CDH18: variants seen among roughly 807,000 people sequenced by gnomAD.
CDH18 encodes the protein cadherin-18.
Under a neutral mutation model 67.9 loss-of-function variants are expected in CDH18, and 31 were observed. The ratio of observed to expected loss-of-function variants is 0.46; its 90% CI spans 0.34 to 0.62. The LOEUF (loss-of-function observed/expected upper bound fraction) is 0.62, where lower values mean the gene tolerates loss of function less well. Ranked by LOEUF, CDH18 falls within the 20% of genes least tolerant of loss-of-function variation. CDH18 has a pLI of 0.01. For synonymous variants in CDH18, 362 were observed against 347.2 expected, an observed-to-expected ratio of 1.04 and a Z score of -0.48; for missense variants, 890 against 975.5, an observed-to-expected ratio of 0.91 and a Z score of 1.17.
At chr5:19,670,663 A>G (rs1369506858) in intron 5 of CDH18, among the ~76,000 whole-genome samples, 1 of 152,132 alleles carries the variant, frequency 6.6e-6, no homozygotes, top group Non-Finnish European at 1.5e-5. Flanking sequence ...AGATTATTAT[A>G]TCCTTTGAAG....
chr5:19,868,918 G>T (rs1224467480), intron 2 of CDH18, among the ~76,000 whole-genome samples: 2 of 152,226 alleles, frequency 1.3e-5, no homozygotes, highest in East Asian at 3.9e-4. Context: ...AGACTTATTT[G>T]ATTTTTGAGC....
intron 1 of CDH18, among the ~76,000 whole-genome samples, chr5:20,452,233 T>G (rs1188541617): frequency 6.6e-6 from 1 of 152,196 alleles, no homozygotes; most frequent in Non-Finnish European, 1.5e-5. Flanking sequence ...TGGGATTGAT[T>G]TCATTAACAT....
chr5:19,549,393 C>T (rs1370205408), intron 8 of CDH18, among the ~76,000 whole-genome samples: 1 of 152,144 alleles, frequency 6.6e-6, no homozygotes, highest in Non-Finnish European at 1.5e-5. Context: ...TGGCACCATG[C>T]TTCCTGCACA....
At chr5:19,775,079 G>T (rs192016033) in intron 3 of CDH18, among the ~76,000 whole-genome samples, 1 of 152,226 alleles carries the variant, frequency 6.6e-6, no homozygotes, top group African/African-American at 2.4e-5. Flanking sequence ...AGCTGAAGAA[G>T]CTGGAAGTCC....
intron 3 of CDH18, among the ~76,000 whole-genome samples, chr5:19,813,875 T>A (rs1779004382): frequency 6.6e-6 from 1 of 152,168 alleles, no homozygotes; most frequent in Middle Eastern, 3.4e-3. Context: ...AAATCTATGA[T>A]TTTTTTGGAA....
chr5:20,570,392 C>T (rs1758745763), intron 1 of CDH18, among the ~76,000 whole-genome samples: 1 of 151,954 alleles, frequency 6.6e-6, no homozygotes, highest in African/African-American at 2.4e-5. Flanking sequence ...TGTTTGAAAC[C>T]CATTTGCTTT....
chr5:20,558,020 A>T lies in CDH18; in HGVS notation c.-580+17442T>A, dbSNP rs147280955. Among the ~76,000 whole-genome samples, 148 of 140,032 alleles carry T rather than the reference A, an allele frequency of 1.1e-3. 2 individuals are homozygous for T. Among genetic ancestry groups the T allele is most frequent in the South Asian group, 5.7e-3 (26 of 4,600 alleles). 91.9% of individuals were successfully genotyped at this position (140,032 alleles called of 152,430 possible). ...TTAAATGTTATAGTTATATAACATT[A>T]AATGTTATAGTTATATAACATTAAT... On this transcript the variant is annotated intron_variant, in intron 1 of 14. Coordinates refer to the CDH18 transcript ENST00000507958.
intron 1 of CDH18, among the ~76,000 whole-genome samples, chr5:20,423,569 A>G (rs769736325): frequency 3.3e-5 from 5 of 151,264 alleles, no homozygotes; most frequent in Middle Eastern, 3.4e-3. Flanking sequence ...CAAAGGAAAT[A>G]TAAGTGCTAC....
intron 1 of CDH18, among the ~76,000 whole-genome samples, chr5:20,380,439 A>G (rs899204058): frequency 3.0e-4 from 46 of 152,204 alleles, no homozygotes; most frequent in African/African-American, 1.1e-3. Flanking sequence ...CATGTATCTT[A>G]ATAGCTCATT....
chr5:19,781,542 G>A (rs868808606), intron 3 of CDH18, among the ~76,000 whole-genome samples: 4 of 151,914 alleles, frequency 2.6e-5, no homozygotes, highest in African/African-American at 9.7e-5. Context: ...AAATTATTGA[G>A]GAATAAGTTC....
At position 20,250,589 on chromosome 5, in the gene CDH18, CTTTTTTTTTTTTTT is replaced by C. The variant is rs70954644; in HGVS notation, c.-518+4841_-518+4854del. ...TACAGGCGTGAGCCACGGCCCATGG[CTTTTTTTTTTTTTT>C]TTTTTTTTTTTTTTTTCGAGATTTA... On this transcript the variant is annotated intron_variant, in intron 2 of 14. Coordinates refer to the CDH18 transcript ENST00000507958. 4.3e-3 allele frequency among the ~76,000 whole-genome samples: 144 copies of C among 33,566 alleles called. 4 individuals carry two copies. The highest frequency in any genetic ancestry group is 0.016 in the Admixed American group (32 of 2,020). 22.0% of individuals were successfully genotyped at this position (33,566 alleles called of 152,430 possible). A position where few individuals can be genotyped will look rare whatever the true frequency, so the allele number is the denominator to read the frequency against.
chr5:19,519,898 C>CT (rs1391376232), intron 10 of CDH18, among the ~76,000 whole-genome samples: 1 of 152,144 alleles, frequency 6.6e-6, no homozygotes, highest in Non-Finnish European at 1.5e-5. Flanking sequence ...GAAAACAGCC[C>CT]TAGCAGACAC....
chr5:20,264,680 C>T (rs190548559), intron 1 of CDH18, among the ~76,000 whole-genome samples: 4 of 152,104 alleles, frequency 2.6e-5, no homozygotes, highest in African/African-American at 7.2e-5. Flanking sequence ...TCTATATGAT[C>T]CAGTTCATTA....
At chr5:20,322,883 A>G (rs550495287) in intron 1 of CDH18, among the ~76,000 whole-genome samples, 2 of 152,178 alleles carry the variant, frequency 1.3e-5, no homozygotes, top group Non-Finnish European at 2.9e-5. Flanking sequence ...GACTTTTGCC[A>G]TTAACCAATT....
chr5:20,485,661 G>T (rs894386789), intron 1 of CDH18, among the ~76,000 whole-genome samples: 5 of 151,948 alleles, frequency 3.3e-5, no homozygotes, highest in African/African-American at 1.2e-4. Flanking sequence ...ACAATCTGAG[G>T]TAAGTAATAC....
chr5:19,518,321 T>C (rs1462760187), intron 10 of CDH18, among the ~76,000 whole-genome samples: 1 of 152,230 alleles, frequency 6.6e-6, no homozygotes, highest in Non-Finnish European at 1.5e-5. Flanking sequence ...GAGGCTATCA[T>C]TGCATTTTTA....
chr5:20,404,944 T>C (rs1746099406), intron 1 of CDH18, among the ~76,000 whole-genome samples: 1 of 152,136 alleles, frequency 6.6e-6, no homozygotes, highest in Admixed American at 6.6e-5. Flanking sequence ...GTATATATTG[T>C]AATCATTACA....
intron 1 of CDH18, among the ~76,000 whole-genome samples, chr5:20,443,020 TA>T (rs1749725679): frequency 6.6e-6 from 1 of 150,548 alleles, no homozygotes; most frequent in Non-Finnish European, 1.5e-5. Flanking sequence ...CCATCCCGGC[TA>T]AAACGGTGAA....
chr5:20,385,192 G>A lies in CDH18; in HGVS notation c.-579-129687C>T, dbSNP rs540842608. Among the ~76,000 whole-genome samples the A allele has an allele frequency of 2.8e-4, 43 of 152,168 alleles. 1 individual carries two copies. In the South Asian group the frequency reaches 6.4e-3, roughly 23 times the overall value. On this transcript the variant is annotated intron_variant, in intron 1 of 14. Coordinates refer to the CDH18 transcript ENST00000507958. ...TCTACTCTTAAAAATTGTTTAGATT[G>A]CATTTAATCGAGAAATCCATAAAAC...
Sources: gnomAD v4.1 joint callset for allele counts (sites outside exome capture counted in the v4.1 genomes callset) on GRCh38, gnomAD v4.1.1 for gene constraint, MANE v1.5 for transcripts, NCBI Gene and HGNC (gene_info 2026-07-23, HGNC 2026-07-21) for gene names.